The following SYNE1 variants were observed in gnomAD, a reference collection of about 807,000 sequenced individuals.
SYNE1 encodes spectrin repeat containing nuclear envelope protein 1.
A neutral mutation model predicts 1,111.0 loss-of-function variants in SYNE1; 616 were observed. That is an observed-to-expected ratio of 0.55 (90% CI 0.52 to 0.59). The LOEUF is 0.59. SYNE1 is among the 20% of genes least tolerant of loss of function. The probability of loss-of-function intolerance (pLI) is 0.00; values close to 1 mark genes in which losing one functional copy is unlikely to be tolerated. For missense variants in SYNE1, 10,006 were observed against 10,417.0 expected (o/e 0.96, Z 1.72); for synonymous variants, 3,855 against 3,825.8 (o/e 1.01, Z -0.28).
rs112414963 is a variant in SYNE1, at chr6:152,407,913, C to T, written c.6541-717G>A. Among the ~76,000 whole-genome samples, 873 of 152,056 alleles carry T rather than the reference C, an allele frequency of 5.7e-3. 10 individuals carry two copies. The highest frequency in any genetic ancestry group is 0.02 in the African/African-American group (836 of 41,478). ...AGTAGCTAGGATTACAGGCGCTCGCCACCACGCCCGGCTAATTTTTTGTAT... is the reference window on the plus strand; with the variant it reads ...AGTAGCTAGGATTACAGGCGCTCGCTACCACGCCCGGCTAATTTTTTGTAT... On this transcript the variant is annotated intron_variant, in intron 44 of 145. Coordinates refer to ENST00000367255, the MANE Select transcript of SYNE1 (RefSeq NM_182961.4).
chr6:152,240,293 AAAACAAACAAAC>A (rs71017529), intron 107 of SYNE1, among the ~76,000 whole-genome samples: 1 of 150,374 alleles, frequency 6.7e-6, no homozygotes, highest in Non-Finnish European at 1.5e-5. Flanking sequence ...ACTCCATCTC[AAAACAAACAAAC>A]AAACAAACAA....
At chr6:152,214,378 TTTAG>T (rs1328218994) in intron 122 of SYNE1, among the ~76,000 whole-genome samples, 1 of 152,152 alleles carries the variant, frequency 6.6e-6, no homozygotes, top group African/African-American at 2.4e-5. Flanking sequence ...ATTTCCCACT[TTTAG>T]TTCAAATTTT....
intron 3 of SYNE1, among the ~76,000 whole-genome samples, chr6:152,564,732 G>A (rs1184058370): frequency 2.0e-5 from 3 of 152,158 alleles, no homozygotes; most frequent in African/African-American, 7.2e-5. Flanking sequence ...TTCAGTAGAG[G>A]CCAAAAGAAA....
chr6:152,237,058 A>G, intron 108 of SYNE1, 110 bp from the exon 109 acceptor site: 1 of 1,456,866 alleles, frequency 6.9e-7, no homozygotes, highest in Admixed American at 2.0e-5. Flanking sequence ...GTTATATCAG[A>G]GATGTTTGCG....
At chr6:152,400,097 G>A (rs1258532541) in intron 47 of SYNE1, among the ~76,000 whole-genome samples, 6 of 152,034 alleles carry the variant, frequency 3.9e-5, no homozygotes, top group Non-Finnish European at 8.8e-5. Context: ...GGTCCTTATA[G>A]ATTCCAGTCC....
Position 152,355,112 on chromosome 6 carries a change from A to G in SYNE1, c.10609-136T>C, listed in dbSNP as rs925434609. 22 of 918,610 alleles carry G rather than the reference A, an allele frequency of 2.4e-5. 1 individual carries two copies. Among genetic ancestry groups the G allele is most frequent in the Non-Finnish European group, 3.7e-5 (22 of 594,220 alleles). The allele number at this position is 918,610 out of a possible 1,614,324, so 56.9% of individuals were successfully genotyped here. A position where few individuals can be genotyped will look rare whatever the true frequency, so the allele number is the denominator to read the frequency against. ...ATGATTTTATTATTATGCCCTATAC[A>G]AAAATATGTCCCTAACCATATTTTC... On this transcript the variant is annotated intron_variant, in intron 66 of 145. Transcript: ENST00000367255.
chr6:152,138,875 GTACTA>G (rs1463244565), intron 140 of SYNE1, among the ~76,000 whole-genome samples: 1 of 152,166 alleles, frequency 6.6e-6, no homozygotes, highest in Non-Finnish European at 1.5e-5. Flanking sequence ...GAGTTAAGGT[GTACTA>G]TATCCATGCG....
chr6:152,265,078 C>T (rs904369923), intron 100 of SYNE1, among the ~76,000 whole-genome samples: 2 of 151,524 alleles, frequency 1.3e-5, no homozygotes, highest in African/African-American at 4.9e-5. Context: ...TAGTGGTGGG[C>T]ACCTGTAATC....
intron 129 of SYNE1, among the ~76,000 whole-genome samples, chr6:152,178,051 A>C (rs972341617): frequency 2.2e-4 from 33 of 152,280 alleles, no homozygotes; most frequent in African/African-American, 7.7e-4. Context: ...TTAAAAAAAA[A>C]CCCATGAGTT....
chr6:152,453,273 C>T (rs189988637), intron 25 of SYNE1: 261 of 574,998 alleles, frequency 4.5e-4, no homozygotes, highest in African/African-American at 2.1e-3. Flanking sequence ...ATTTATTCAG[C>T]AGAGAGAAGC....
At position 152,148,176 on chromosome 6, in the gene SYNE1, G is replaced by A; in HGVS notation, c.24845C>T (p.Pro8282Leu). 6.2e-7 allele frequency: 1 copy of A among 1,614,180 alleles called. No individual in the cohort carries two copies. Among genetic ancestry groups the A allele is most frequent in the Non-Finnish European group, 8.5e-7 (1 of 1,180,032 alleles). ...RDTPASVDSI[P>L]LEWDHDYDLS... ...GTCATAGTCGTGATCCCACTCCAGG[G>A]GGATGGAGTCCACACTAGCCGGGGT... Residue 8282 changes from proline to leucine, a missense_variant, in exon 137 of 146, where the codon CCC becomes CTC. Pro to Leu is a moderately conservative substitution (Grantham distance 98, BLOSUM62 -3). Transcript: ENST00000367255. This position sits in a 1 kb window ranked among gnomAD's most constrained non-coding sequence, Gnocchi z 4.1.
At chr6:152,480,627 T>C (rs1489087797) in intron 14 of SYNE1, 2 of 338,762 alleles carry the variant, frequency 5.9e-6, no homozygotes, top group Admixed American at 4.2e-5. Context: ...ATTGACAATT[T>C]AATTGTTTTA....
intron 59 of SYNE1, among the ~76,000 whole-genome samples, chr6:152,371,924 AC>A (rs1384861587): frequency 0.023 from 1,384 of 60,564 alleles, 146 homozygotes; most frequent in African/African-American, 0.065. Context: ...AAAGGAAAGG[AC>A]AGGACAGGAC....
At chr6:152,473,932 T>C (rs2098820899) in intron 14 of SYNE1, among the ~76,000 whole-genome samples, 1 of 152,136 alleles carries the variant, frequency 6.6e-6, no homozygotes, top group Non-Finnish European at 1.5e-5. Flanking sequence ...ATGTCTGTAA[T>C]CCCCGCACTT....
At chr6:152,254,765 G>C (rs966501243) in intron 104 of SYNE1, 115 bp downstream of exon 104, 1 of 959,202 alleles carries the variant, frequency 1.0e-6, no homozygotes, top group Non-Finnish European at 1.6e-6. Flanking sequence ...CAATGCTCTT[G>C]TTCTTCATTA....
At chr6:152,495,704 T>C (rs2098995578) in intron 11 of SYNE1, among the ~76,000 whole-genome samples, 1 of 152,176 alleles carries the variant, frequency 6.6e-6, no homozygotes. Flanking sequence ...CCACTCACCC[T>C]GTCACTCTCT....
rs928423178 is a variant in SYNE1 at position 152,254,861 on chromosome 6, T to C, written c.19470+19A>G. On this transcript the variant is annotated intron_variant, in intron 104 of 145. Coordinates refer to ENST00000367255, the MANE Select transcript of SYNE1 (RefSeq NM_182961.4). ...TACCTAGAGAATGGTCACGTATCCT[T>C]TGATAATATCTTACTTACCTGGAAA... 8 of 1,606,908 alleles carry C rather than the reference T, an allele frequency of 5.0e-6. No individual in the cohort carries two copies. Among genetic ancestry groups the C allele is most frequent in the African/African-American group, 1.3e-5 (1 of 74,798 alleles).
chr6:152,568,017 GA>G (rs951208278), intron 3 of SYNE1, among the ~76,000 whole-genome samples: 67 of 150,414 alleles, frequency 4.5e-4, no homozygotes, highest in African/African-American at 1.4e-3. Flanking sequence ...AATGAAAATA[GA>G]AAAAAAAATC....
chr6:152,208,588 A>G (rs2763027), intron 124 of SYNE1, among the ~76,000 whole-genome samples: 131,303 of 152,210 alleles, frequency 0.86, 56,767 homozygotes, highest in African/African-American at 0.91. Context: ...TGATGATATC[A>G]TCTTGTGGGA....
Sources: allele counts gnomAD v4.1 joint callset (sites outside exome capture counted in the v4.1 genomes callset), GRCh38; gene constraint gnomAD v4.1.1; non-coding constraint Gnocchi (gnomAD v3.1); transcripts MANE v1.5; gene names NCBI Gene and HGNC (gene_info 2026-07-23, HGNC 2026-07-21).